Variants in FARP1 observed in about 807,000 individuals in gnomAD.
FARP1 encodes FERM, ARH/RhoGEF and pleckstrin domain protein 1.
Under a neutral mutation model 128.8 loss-of-function variants are expected in FARP1, and 52 were observed. The ratio of observed to expected loss-of-function variants is 0.40; its 90% CI spans 0.32 to 0.51. FARP1 has a LOEUF of 0.51. Among genes scored for constraint, FARP1 ranks in the 20% least tolerant of loss-of-function variants. The pLI, the probability that FARP1 is intolerant of heterozygous loss-of-function variation, is 0.45. For missense variants in FARP1, 1,333 were observed against 1,367.9 expected (o/e 0.97, Z 0.40); for synonymous variants, 580 against 551.8 (o/e 1.05, Z -0.72).
intron 2 of FARP1, among the ~76,000 whole-genome samples, chr13:98,223,284 T>C (rs1881539706): frequency 6.6e-6 from 1 of 152,232 alleles, no homozygotes; most frequent in Non-Finnish European, 1.5e-5. Flanking sequence ...TCAGTTGACA[T>C]GAAAGGAACA....
Position 98,354,482 on chromosome 13 carries a change from T to C in FARP1, c.276+10616T>C, listed in dbSNP as rs1888562546. On this transcript the variant is annotated intron_variant, in intron 3 of 26. Transcript: ENST00000319562. ...CCAATAAGGACGTTCTTTAGTTAAT[T>C]GGAGGAATTTGAATATTGCCTGAGT... 3.9e-5 allele frequency among the ~76,000 whole-genome samples: 6 copies of C among 152,324 alleles called. No individual in the cohort carries two copies. In the South Asian group the frequency reaches 1.2e-3, roughly 32 times the overall value.
chr13:98,349,672 GAAAAAAAAAAAA>G (rs56376512), intron 3 of FARP1, among the ~76,000 whole-genome samples: 23,024 of 59,902 alleles, frequency 0.38, 2,477 homozygotes, highest in Middle Eastern at 0.47. Context: ...CCATCTCAGG[GAAAAAAAAAAAA>G]AAAAAAAAAA....
At chr13:98,361,391 T>C (rs1205540525) in intron 3 of FARP1, among the ~76,000 whole-genome samples, 1 of 152,234 alleles carries the variant, frequency 6.6e-6, no homozygotes. Context: ...TTGTGTTTGA[T>C]GCTTTCCACA....
chr13:98,206,675 A>G (rs1462224191), intron 1 of FARP1, among the ~76,000 whole-genome samples: 3 of 152,322 alleles, frequency 2.0e-5, no homozygotes, highest in African/African-American at 7.2e-5. Flanking sequence ...GGAAGTCCTT[A>G]TAAGTCAGGA....
intron 24 of FARP1, among the ~76,000 whole-genome samples, chr13:98,444,596 GA>G (rs1892704613): frequency 6.6e-6 from 1 of 152,210 alleles, no homozygotes; most frequent in Admixed American, 6.5e-5. Flanking sequence ...AGGGGAGCGG[GA>G]GGCTCGGCCC....
intron 13 of FARP1, among the ~76,000 whole-genome samples, chr13:98,407,894 T>C (rs1429322525): frequency 6.6e-6 from 1 of 152,190 alleles, no homozygotes; most frequent in East Asian, 1.9e-4. Flanking sequence ...AGGTAGGCTG[T>C]TGTATCTTGT....
intron 2 of FARP1, among the ~76,000 whole-genome samples, chr13:98,230,121 A>G (rs1157337525): frequency 6.6e-6 from 1 of 152,122 alleles, no homozygotes; most frequent in Non-Finnish European, 1.5e-5. Context: ...CCCCTCACCC[A>G]AGAGAGACTT....
chr13:98,247,174 G>A (rs1189322349), intron 2 of FARP1, among the ~76,000 whole-genome samples: 2 of 152,200 alleles, frequency 1.3e-5, no homozygotes, highest in South Asian at 2.1e-4. Flanking sequence ...CCCAGGAGGC[G>A]GAGGTTGCAG....
At chr13:98,268,757 T>G (rs1326406051) in intron 2 of FARP1, among the ~76,000 whole-genome samples, 1 of 149,756 alleles carries the variant, frequency 6.7e-6, no homozygotes, top group Admixed American at 6.8e-5. Context: ...TGTGAGCTAC[T>G]GCATCTGGCC....
chr13:98,371,297 A>G (rs1889318303), intron 5 of FARP1, among the ~76,000 whole-genome samples: 1 of 142,546 alleles, frequency 7.0e-6, no homozygotes, highest in Non-Finnish European at 1.5e-5. Context: ...TCGTCTCTAG[A>G]GGTTTGCAGT....
In FARP1 at chr13:98,452,172, A is replaced by G. The variant is rs1472894304; in HGVS notation, c.*3855A>G. On this transcript the variant is annotated 3_prime_UTR_variant, in exon 27 of 27. Coordinates refer to ENST00000319562, the MANE Select transcript of FARP1 (RefSeq NM_005766.4). ...GAGTATGCAAAATAAGCGTGTTATA[A>G]AATTTATTTGTGTAAGCATTCAGAC... is the stretch of plus-strand genomic sequence containing the variant. 6.6e-6 allele frequency: 1 copy of G among 152,222 alleles called. No homozygotes were observed. The highest frequency in any genetic ancestry group is 1.5e-5 in the Non-Finnish European group (1 of 68,040). The allele number at this position is 152,222 out of a possible 1,614,324, so 9.4% of individuals were successfully genotyped here. A position where few individuals can be genotyped will look rare whatever the true frequency, so the allele number is the denominator to read the frequency against.
chr13:98,221,880 G>C (rs1881433289), intron 2 of FARP1, among the ~76,000 whole-genome samples: 1 of 152,170 alleles, frequency 6.6e-6, no homozygotes, highest in African/African-American at 2.4e-5. Flanking sequence ...GGATGCTCTT[G>C]TGTTAGAATG....
chr13:98,440,782 G>T lies in FARP1; in HGVS notation c.2742G>T (p.Val914=). ...APHRGNTMVH[V]CWHRNTSVSM... ...ACCGCGGCAACACAATGGTGCACGT[G>T]TGCTGGCACCGCAACACCAGCGTCT... Residue 914 remains valine (V), a synonymous_variant, in exon 24 of 27, where the codon GTG becomes GTT. Coordinates refer to ENST00000319562, the MANE Select transcript of FARP1 (RefSeq NM_005766.4). 4.3e-6 allele frequency: 7 copies of T among 1,613,034 alleles called. No individual in the cohort carries two copies. The highest frequency in any genetic ancestry group is 5.9e-6 in the Non-Finnish European group (7 of 1,179,882).
At chr13:98,290,054 CTT>C (rs57453120) in intron 2 of FARP1, among the ~76,000 whole-genome samples, 107 of 136,036 alleles carry the variant, frequency 7.9e-4, no homozygotes, top group Admixed American at 1.2e-3. Context: ...GGAGATTTAT[CTT>C]TTTTTTTTTT....
intron 2 of FARP1, among the ~76,000 whole-genome samples, chr13:98,217,100 A>C (rs1881106113): frequency 6.6e-6 from 1 of 152,216 alleles, no homozygotes; most frequent in Non-Finnish European, 1.5e-5. Flanking sequence ...CGGGTAAACA[A>C]ACACAGTTCC....
chr13:98,359,183 T>C (rs9513408), intron 3 of FARP1, among the ~76,000 whole-genome samples: 69,011 of 151,934 alleles, frequency 0.45, 17,136 homozygotes, highest in Non-Finnish European at 0.59. Context: ...TCAAGCTATG[T>C]GACATTGAGC....
At chr13:98,318,728 C>T (rs941839886) in intron 2 of FARP1, among the ~76,000 whole-genome samples, 3 of 152,202 alleles carry the variant, frequency 2.0e-5, no homozygotes, top group African/African-American at 7.2e-5. Flanking sequence ...TCTGCCTTCT[C>T]TTTGATGTCT....
Position 98,446,579 on chromosome 13 carries a change from A to C in FARP1, c.2905-87A>C, listed in dbSNP as rs1892849044. ...CGAGGAGGGAGCTGCCTGGGCTCCCAAGTCCCTGTCTGATGCGGGGCAGCA... is the reference window on the plus strand; with the variant it reads ...CGAGGAGGGAGCTGCCTGGGCTCCCCAGTCCCTGTCTGATGCGGGGCAGCA... On this transcript the variant is annotated intron_variant, in intron 25 of 26. Transcript: ENST00000319562. 12 of 1,433,070 alleles carry C rather than the reference A, an allele frequency of 8.4e-6. No homozygotes were observed. The South Asian group carries it at 1.4e-4, about 16-fold the overall frequency. 88.8% of individuals were successfully genotyped at this position (1,433,070 alleles called of 1,614,324 possible). A position where few individuals can be genotyped will look rare whatever the true frequency, so the allele number is the denominator to read the frequency against.
intron 1 of FARP1, among the ~76,000 whole-genome samples, chr13:98,144,182 C>G (rs1187300789): frequency 1.3e-5 from 2 of 151,980 alleles, no homozygotes; most frequent in South Asian, 2.1e-4. Flanking sequence ...GCTGTGTGAT[C>G]CGGCTGGACC....
Sources: allele counts gnomAD v4.1 joint callset (sites outside exome capture counted in the v4.1 genomes callset), GRCh38; gene constraint gnomAD v4.1.1; transcripts MANE v1.5; gene names NCBI Gene and HGNC (gene_info 2026-07-23, HGNC 2026-07-21).